MTMR10: variants seen among roughly 807,000 people sequenced by gnomAD.
The protein encoded by MTMR10 is myotubularin-related protein 10.
In MTMR10, 56 loss-of-function variants were observed where a neutral mutation model predicts 88.1. The observed-to-expected ratio is 0.64, with a 90% CI of 0.51 to 0.79. The LOEUF (loss-of-function observed/expected upper bound fraction) is 0.79. Ranked by LOEUF, MTMR10 falls within the 30% of genes least tolerant of loss-of-function variation. MTMR10 has a pLI of 0.00. For synonymous variants in MTMR10, 380 were observed against 340.9 expected, an observed-to-expected ratio of 1.11 and a Z score of -1.26; for missense variants, 883 against 924.7, an observed-to-expected ratio of 0.95 and a Z score of 0.58.
chr15:30,942,424 C>T, intron 15 of MTMR10: 1 of 324,406 alleles, frequency 3.1e-6, no homozygotes, highest in South Asian at 5.9e-5. Flanking sequence ...AGTCAGGAGG[C>T]CAAATGTCTG....
At chr15:30,989,103 G>C (rs1481501066) in intron 2 of MTMR10, among the ~76,000 whole-genome samples, 1 of 152,062 alleles carries the variant, frequency 6.6e-6, no homozygotes, top group African/African-American at 2.4e-5. Flanking sequence ...GCAGAGTGGA[G>C]GAATCAAAGC....
At chr15:30,975,420 GT>G (rs889517146) in intron 3 of MTMR10, among the ~76,000 whole-genome samples, 1 of 151,988 alleles carries the variant, frequency 6.6e-6, no homozygotes, top group Non-Finnish European at 1.5e-5. Flanking sequence ...ATTAGAAAAG[GT>G]TTTGCATGTT....
At chr15:30,948,275 G>A (rs1220203599) in intron 13 of MTMR10, 27 bp downstream of exon 13, 5 of 1,593,992 alleles carry the variant, frequency 3.1e-6, no homozygotes, top group East Asian at 2.2e-5. Context: ...CTTAAAGACT[G>A]ATAAAAAGGC....
At chr15:30,927,383 C>T in the MTMR10 span, 4 of 985,410 alleles carry the variant, frequency 4.1e-6, no homozygotes, top group African/African-American at 3.5e-5. Flanking sequence ...GACTTGGCAA[C>T]AGCCAGGAGT....
rs770038896 is a variant in MTMR10 at position 30,947,344 on chromosome 15, T to C, written c.1378-44A>G. On this transcript the variant is annotated intron_variant, in intron 13 of 15. Transcript: ENST00000435680. ...CAATGGGATCATTTAATGTTATCCT[T>C]CAGCCGTTCACATTTACTTCAAAAT... The C allele has an allele frequency of 3.8e-6, 6 of 1,575,598 alleles. No homozygotes were observed. The African/African-American group carries it at 6.8e-5, about 18-fold the overall frequency.
At position 30,941,209 on chromosome 15, in the gene MTMR10, T is replaced by TAGC; in HGVS notation, c.*258_*260dup. 7.3e-7 allele frequency: 1 copy of TAGC among 1,377,180 alleles called. No individual in the cohort carries two copies. The highest frequency in any genetic ancestry group is 9.6e-7 in the Non-Finnish European group (1 of 1,046,902). 85.3% of individuals were successfully genotyped at this position (1,377,180 alleles called of 1,614,324 possible). ...GGAAAAATGGATGGAGACAAAAATG[T>TAGC]AGCAGACAACATGAACAGTTTGATC... On this transcript the variant is annotated 3_prime_UTR_variant, in exon 16 of 16. Transcript: ENST00000435680.
chr15:30,954,918 T>A, intron 9 of MTMR10, 25 bp from the exon 10 acceptor site: 1 of 1,517,344 alleles, frequency 6.6e-7, no homozygotes, highest in Non-Finnish European at 8.9e-7. Context: ...AATACTTTAG[T>A]CATTACTCAT....
At chr15:30,949,346 G>T (rs945233097) in intron 12 of MTMR10, 1 of 152,134 alleles carries the variant, frequency 6.6e-6, no homozygotes, top group African/African-American at 2.4e-5. Context: ...TTGAACTGGA[G>T]AATCTAGCCA....
intron 14 of MTMR10, chr15:30,943,896 G>T: frequency 1.0e-6 from 1 of 985,394 alleles, no homozygotes; most frequent in Non-Finnish European, 1.2e-6. Context: ...GATGGCAGCA[G>T]GCTACCACAG....
chr15:30,937,394 C>A, downstream of MTMR10: 19 of 658,534 alleles, frequency 2.9e-5, no homozygotes, highest in African/African-American at 3.7e-5. Context: ...CTGCATATCA[C>A]AAAACAGTGT....
intron 6 of MTMR10, 95 bp downstream of exon 6, chr15:30,967,825 C>A: frequency 1.0e-6 from 1 of 963,554 alleles, no homozygotes; most frequent in Non-Finnish European, 1.5e-6. Flanking sequence ...ATTCTACAAT[C>A]ATTAAAGCTC....
intron 3 of MTMR10, among the ~76,000 whole-genome samples, chr15:30,975,747 T>C (rs150756976): frequency 2.1e-3 from 321 of 152,286 alleles, no homozygotes; most frequent in African/African-American, 7.4e-3. Context: ...TTATGGTAAA[T>C]TAGTGAGTGA....
At chr15:30,953,975 C>G (rs992888269) in intron 10 of MTMR10, among the ~76,000 whole-genome samples, 1 of 152,218 alleles carries the variant, frequency 6.6e-6, no homozygotes, top group Non-Finnish European at 1.5e-5. Flanking sequence ...CTGCCCAGGC[C>G]CTAGCCCTTG....
chr15:30,921,182 TTC>T, the MTMR10 span, among the ~76,000 whole-genome samples: 1 of 152,132 alleles, frequency 6.6e-6, no homozygotes, highest in Non-Finnish European at 1.5e-5. Context: ...TGGACAGCTG[TTC>T]TGTTTGCCTG....
At chr15:30,937,320 GTTTT>G, downstream of MTMR10, 1 of 1,492,546 alleles carries the variant, frequency 6.7e-7, no homozygotes, top group East Asian at 2.3e-5. Context: ...TATAAAACAT[GTTTT>G]ATTTAATTTT....
At chr15:30,969,469 ATTTG>A (rs1453981715) in intron 5 of MTMR10, among the ~76,000 whole-genome samples, 2 of 151,944 alleles carry the variant, frequency 1.3e-5, no homozygotes, top group Non-Finnish European at 2.9e-5. Context: ...CATCCTTCCT[ATTTG>A]TTTGGGCACC....
At chr15:30,953,843 C>G (rs907068878) in intron 10 of MTMR10, among the ~76,000 whole-genome samples, 2 of 152,226 alleles carry the variant, frequency 1.3e-5, no homozygotes, top group African/African-American at 4.8e-5. Flanking sequence ...CCATCATCTT[C>G]TCTCTCGCTC....
chr15:30,956,886 C>T (rs542712470), intron 9 of MTMR10, among the ~76,000 whole-genome samples: 1 of 152,306 alleles, frequency 6.6e-6, no homozygotes, highest in East Asian at 1.9e-4. Context: ...GAAAACAAGG[C>T]TTGGAGTATG....
In MTMR10 at chr15:30,939,514, T is replaced by TA. The variant is rs2062966677; in HGVS notation, c.*1955dup. On this transcript the variant is annotated 3_prime_UTR_variant, in exon 16 of 16. Coordinates refer to ENST00000435680, the MANE Select transcript of MTMR10 (RefSeq NM_017762.3). ...ATAAACTGTAGCACAATAATCATGATATAACAACTGTCCAGCAAAAATAAA... is the reference window on the plus strand; with the variant it reads ...ATAAACTGTAGCACAATAATCATGATAATAACAACTGTCCAGCAAAAATAAA... 1.0e-6 allele frequency: 1 copy of TA among 981,426 alleles called. No homozygotes were observed. Among genetic ancestry groups the TA allele is most frequent in the South Asian group, 4.7e-5 (1 of 21,224 alleles). 60.8% of individuals were successfully genotyped at this position (981,426 alleles called of 1,614,324 possible). A position where few individuals can be genotyped will look rare whatever the true frequency, so the allele number is the denominator to read the frequency against.
Sources: gnomAD v4.1 joint callset for allele counts (sites outside exome capture counted in the v4.1 genomes callset) on GRCh38, gnomAD v4.1.1 for gene constraint, MANE v1.5 for transcripts, NCBI Gene and HGNC (gene_info 2026-07-23, HGNC 2026-07-21) for gene names.